RBFOX3: variants seen among roughly 807,000 people sequenced by gnomAD.
The protein encoded by RBFOX3 is RNA binding fox-1 homolog 3, also known as RNA binding protein fox-1 homolog 3.
A neutral mutation model predicts 48.7 loss-of-function variants in RBFOX3; 17 were observed. The ratio of observed to expected loss-of-function variants is 0.35; its 90% CI spans 0.24 to 0.52. The LOEUF (loss-of-function observed/expected upper bound fraction) is 0.52, where lower values mean the gene tolerates loss of function less well. Ranked by LOEUF, RBFOX3 falls within the 20% of genes least tolerant of loss-of-function variation. RBFOX3 has a pLI of 0.94. For synonymous variants in RBFOX3, 212 were observed against 209.5 expected, an observed-to-expected ratio of 1.01 and a Z score of -0.10; for missense variants, 382 against 497.5, an observed-to-expected ratio of 0.77 and a Z score of 2.21.
At chr17:79,356,855 C>T (rs181555114) in intron 2 of RBFOX3, among the ~76,000 whole-genome samples, 176 of 152,288 alleles carry the variant, frequency 1.2e-3, no homozygotes, top group African/African-American at 3.9e-3. Context: ...AAAGTGCAGC[C>T]GGGCCTGCCT....
At position 79,415,181 on chromosome 17, in the gene RBFOX3, G is replaced by A. The variant is rs188505716; in HGVS notation, c.-175+67273C>T. On this transcript the variant is annotated intron_variant, in intron 2 of 14. Coordinates refer to ENST00000693108, the MANE Select transcript of RBFOX3 (RefSeq NM_001350451.2). ...GCCACCTACGAGGACCGCCTTTGCC[G>A]AGGTACCTGGGCCGAGGCCCAGCAA... is the stretch of plus-strand genomic sequence containing the variant. 7.3e-4 allele frequency among the ~76,000 whole-genome samples: 111 copies of A among 152,330 alleles called. 1 individual carries two copies. Among genetic ancestry groups the A allele is most frequent in the Middle Eastern group, 3.4e-3 (1 of 294 alleles).
intron 1 of RBFOX3, among the ~76,000 whole-genome samples, chr17:79,555,355 G>A (rs1163200829): frequency 1.1e-4 from 10 of 89,686 alleles, no homozygotes; most frequent in Non-Finnish European, 1.5e-4. Context: ...TGTGGTGGTG[G>A]TGATGGTGGT....
intron 2 of RBFOX3, among the ~76,000 whole-genome samples, chr17:79,396,393 C>T (rs941895389): frequency 1.3e-5 from 2 of 152,172 alleles, no homozygotes; most frequent in Non-Finnish European, 2.9e-5. Context: ...CCTGGCCTTG[C>T]CCTTTAAAAT....
chr17:79,426,773 T>C (rs1379180447), intron 2 of RBFOX3, among the ~76,000 whole-genome samples: 18 of 152,048 alleles, frequency 1.2e-4, no homozygotes, highest in African/African-American at 4.1e-4. Context: ...GGTGTGATCT[T>C]AGCTCACTGG....
intron 11 of RBFOX3, 119 bp downstream of exon 11, chr17:79,097,173 T>TG: frequency 3.0e-6 from 2 of 665,010 alleles, no homozygotes; most frequent in South Asian, 2.7e-5. Context: ...CCCACGATCC[T>TG]CCCCCCCCCC....
intron 1 of RBFOX3, among the ~76,000 whole-genome samples, chr17:79,595,547 G>A (rs1297636910): frequency 3.9e-5 from 6 of 152,232 alleles, no homozygotes; most frequent in African/African-American, 1.4e-4. Context: ...AACCCACCGT[G>A]TGTATGAATA....
Position 79,556,220 on chromosome 17 carries a change from C to T in RBFOX3, c.-320+54606G>A, listed in dbSNP as rs955707232. On this transcript the variant is annotated intron_variant, in intron 1 of 14. Transcript: ENST00000693108. Reference sequence around the variant, plus strand: ...TTTCCAAACCAAGCTGGTCTCCACTCCTCCCTCCCTGCTGACCCCTCAAAC... The same window carrying T: ...TTTCCAAACCAAGCTGGTCTCCACTTCTCCCTCCCTGCTGACCCCTCAAAC... 2.0e-5 allele frequency among the ~76,000 whole-genome samples: 3 copies of T among 152,202 alleles called. No homozygotes were observed. The South Asian group carries it at 6.2e-4, about 32-fold the overall frequency.
intron 2 of RBFOX3, among the ~76,000 whole-genome samples, chr17:79,386,352 T>C (rs138276329): frequency 6.6e-6 from 1 of 151,920 alleles, no homozygotes; most frequent in East Asian, 1.9e-4. Flanking sequence ...AGATGAAGGC[T>C]CCACGATTTC....
At chr17:79,468,980 ATGGATG>A (rs1568305054) in intron 2 of RBFOX3, among the ~76,000 whole-genome samples, 27,145 of 150,292 alleles carry the variant, frequency 0.18, 3,052 homozygotes, top group Admixed American at 0.25. Context: ...GGATGGATGG[ATGGATG>A]GATAGCAGAT....
rs568942397 is a variant in RBFOX3 at position 79,337,328 on chromosome 17, ACTG to A, written c.-174-29507_-174-29505del. The stretch of plus-strand genomic sequence containing the variant: ...ACTTCTCCTTGGCATCTCTGGCACC[ACTG>A]CTATTTCCAGAACCATCTCTCAAAG... On this transcript the variant is annotated intron_variant, in intron 2 of 14. Transcript: ENST00000693108. Among the ~76,000 whole-genome samples, 432 of 152,292 alleles carry A rather than the reference ACTG, an allele frequency of 2.8e-3. 1 individual carries two copies. The highest frequency in any genetic ancestry group is 9.9e-3 in the African/African-American group (412 of 41,560).
intron 3 of RBFOX3, among the ~76,000 whole-genome samples, chr17:79,307,033 C>A (rs1358378540): frequency 1.3e-5 from 2 of 152,256 alleles, no homozygotes; most frequent in African/African-American, 2.4e-5. Context: ...GAAACTCAGC[C>A]AAGGCTATTA....
intron 14 of RBFOX3, chr17:79,092,487 C>T: frequency 2.0e-6 from 2 of 986,044 alleles, no homozygotes; most frequent in Non-Finnish European, 2.4e-6. Context: ...GTGCGTGTCG[C>T]TGACCGGGAG....
rs1275411199 is a variant in RBFOX3, at chr17:79,473,826, G to GCA, written c.-175+8626_-175+8627dup. On this transcript the variant is annotated intron_variant, in intron 2 of 14. Transcript: ENST00000693108. The surrounding 1 kb of genome is among the most constrained non-coding windows in gnomAD (Gnocchi z 4.2). ...CTCCATTTTTCTCCTCCTCCTAAAA[G>GCA]CACACACACACACTCACACACACAC... is the stretch of plus-strand genomic sequence containing the variant. Among the ~76,000 whole-genome samples, 2 of 151,580 alleles carry GCA rather than the reference G, an allele frequency of 1.3e-5. No homozygotes were observed. Among genetic ancestry groups the GCA allele is most frequent in the Non-Finnish European group, 2.9e-5 (2 of 67,922 alleles).
chr17:79,332,975 A>G (rs1438673494), intron 2 of RBFOX3, among the ~76,000 whole-genome samples: 2 of 149,994 alleles, frequency 1.3e-5, no homozygotes, highest in African/African-American at 4.9e-5. Flanking sequence ...AGACAGAAAG[A>G]GGTAGAGAGA....
At chr17:79,388,028 A>C (rs1165819361) in intron 2 of RBFOX3, among the ~76,000 whole-genome samples, 1 of 151,316 alleles carries the variant, frequency 6.6e-6, no homozygotes, top group Non-Finnish European at 1.5e-5. Context: ...ATGCAAGTGG[A>C]TATGAACTTG....
At chr17:79,318,713 AGT>A (rs1403988637) in intron 2 of RBFOX3, among the ~76,000 whole-genome samples, 1 of 151,570 alleles carries the variant, frequency 6.6e-6, no homozygotes, top group Non-Finnish European at 1.5e-5. Context: ...AAATTAGCTG[AGT>A]GTGGTGGTGG....
At chr17:79,322,727 G>C (rs2078720732) in intron 2 of RBFOX3, among the ~76,000 whole-genome samples, 1 of 152,176 alleles carries the variant, frequency 6.6e-6, no homozygotes, top group African/African-American at 2.4e-5. Flanking sequence ...CCCCCTCTGG[G>C]CCTGTGTGTT....
the RBFOX3 span, among the ~76,000 whole-genome samples, chr17:79,628,040 A>C: frequency 8.2e-3 from 1,221 of 149,618 alleles, 23 homozygotes; most frequent in East Asian, 0.039. Flanking sequence ...CTCCCCGCCC[A>C]AGGGTCCTCA....
intron 4 of RBFOX3, among the ~76,000 whole-genome samples, chr17:79,125,744 G>A (rs973993861): frequency 1.3e-5 from 2 of 152,242 alleles, no homozygotes; most frequent in African/African-American, 4.8e-5. Flanking sequence ...CGTGGCCCTG[G>A]GCCGGCGGGG....
Sources: gnomAD v4.1 joint callset for allele counts (sites outside exome capture counted in the v4.1 genomes callset) on GRCh38, gnomAD v4.1.1 for gene constraint, Gnocchi (gnomAD v3.1) non-coding constraint, MANE v1.5 for transcripts, NCBI Gene and HGNC (gene_info 2026-07-23, HGNC 2026-07-21) for gene names.